Variants in GNG7 observed in about 807,000 individuals in gnomAD.
GNG7 encodes G protein subunit gamma 7, also known as guanine nucleotide-binding protein G(I)/G(S)/G(O) subunit gamma-7.
A neutral mutation model predicts 4.0 loss-of-function variants in GNG7; 1 was observed. The observed-to-expected ratio is 0.25, with a 90% CI of 0.09 to 1.18. The LOEUF (loss-of-function observed/expected upper bound fraction) is 1.18. GNG7 is among the 50% of genes most tolerant of loss of function. GNG7 has a pLI of 0.50. For synonymous variants in GNG7, 34 were observed against 36.9 expected, an observed-to-expected ratio of 0.92 and a Z score of 0.29; for missense variants, 86 against 91.9, an observed-to-expected ratio of 0.94 and a Z score of 0.26.
At chr19:2,515,918 CTT>C (rs1489075088) in intron 4 of GNG7, among the ~76,000 whole-genome samples, 1 of 151,654 alleles carries the variant, frequency 6.6e-6, no homozygotes, top group African/African-American at 2.4e-5. Context: ...TAGTGGTAAA[CTT>C]TATATGTGTC....
At chr19:2,603,476 C>A (rs569721473) in intron 2 of GNG7, among the ~76,000 whole-genome samples, 2 of 152,188 alleles carry the variant, frequency 1.3e-5, no homozygotes, top group Non-Finnish European at 2.9e-5. Flanking sequence ...GGTGAGACCG[C>A]GGTGGCTCTC....
intron 1 of GNG7, among the ~76,000 whole-genome samples, chr19:2,679,440 C>G (rs12610702): frequency 0.27 from 40,615 of 151,834 alleles, 5,839 homozygotes; most frequent in East Asian, 0.55. Context: ...CCATCCAGGT[C>G]ACAGCCTCGT....
At chr19:2,552,848 T>TCC (rs1555693069) in intron 3 of GNG7, among the ~76,000 whole-genome samples, 27 of 84,538 alleles carry the variant, frequency 3.2e-4, no homozygotes, top group African/African-American at 8.7e-4. Flanking sequence ...TCCTCCCGGC[T>TCC]CCACCCCCCC....
intron 2 of GNG7, among the ~76,000 whole-genome samples, chr19:2,568,168 C>CACATACAT (rs1413160147): frequency 1.2e-3 from 178 of 151,154 alleles, no homozygotes; most frequent in African/African-American, 4.2e-3. Flanking sequence ...CACATACATA[C>CACATACAT]ACACACATAC....
intron 2 of GNG7, among the ~76,000 whole-genome samples, chr19:2,602,524 C>T (rs1464922372): frequency 6.6e-6 from 1 of 152,204 alleles, no homozygotes; most frequent in African/African-American, 2.4e-5. Context: ...TCTGCCAGCT[C>T]CTCCCGAGCC....
chr19:2,681,855 G>A (rs1285448394), intron 1 of GNG7, among the ~76,000 whole-genome samples: 2 of 152,140 alleles, frequency 1.3e-5, no homozygotes, highest in African/African-American at 4.8e-5. Context: ...GCTTTGATTT[G>A]CATTTCCCTG....
In GNG7 at chr19:2,634,404, G is replaced by A. The variant is rs1022697334; in HGVS notation, c.-78+11820C>T. 8.5e-5 allele frequency among the ~76,000 whole-genome samples: 13 copies of A among 152,110 alleles called. No individual in the cohort carries two copies. The highest frequency in any genetic ancestry group is 1.6e-4 in the Non-Finnish European group (11 of 68,034). ...GTCCCCGGGGTTGGGGGTGGGGGGC[G>A]GCATCACCCAGATGACCCCTGCTAT... On this transcript the variant is annotated intron_variant, in intron 2 of 4. Coordinates refer to ENST00000382159, the MANE Select transcript of GNG7 (RefSeq NM_052847.3). The surrounding 1 kb of genome is among the most constrained non-coding windows in gnomAD (Gnocchi z 5.3).
intron 1 of GNG7, chr19:2,700,772 A>G (rs1044908732): frequency 2.0e-5 from 3 of 152,166 alleles, no homozygotes; most frequent in Admixed American, 6.5e-5. Context: ...ATCCGCAGCG[A>G]GAGGCTGGGT....
intron 2 of GNG7, among the ~76,000 whole-genome samples, chr19:2,597,662 C>T (rs1311989987): frequency 3.3e-5 from 5 of 150,688 alleles, no homozygotes; most frequent in Admixed American, 6.6e-5. Context: ...TTTGGGAGGC[C>T]GAGGTGGGTG....
At position 2,659,176 on chromosome 19, in the gene GNG7, A is replaced by G. The variant is rs571776296; in HGVS notation, c.-134-12896T>C. 7.2e-5 allele frequency among the ~76,000 whole-genome samples: 11 copies of G among 152,050 alleles called. No homozygotes were observed. The South Asian group carries it at 8.3e-4, about 11-fold the overall frequency. ...AGTAGAGACGAGGTTTCACCGGGTT[A>G]GCCAGGATGGTCTCAATCTCCTGAC... On this transcript the variant is annotated intron_variant, in intron 1 of 4. Transcript: ENST00000382159.
At chr19:2,696,298 G>GAAAGAAAGAA (rs1568287846) in intron 1 of GNG7, among the ~76,000 whole-genome samples, 3 of 90,990 alleles carry the variant, frequency 3.3e-5, no homozygotes, top group Non-Finnish European at 2.3e-5. Flanking sequence ...GAGAGAGAAA[G>GAAAGAAAGAA]AAAGAAAGAA....
In GNG7 at chr19:2,539,956, C is replaced by G. The variant is rs567748097; in HGVS notation, c.-38+15193G>C. On this transcript the variant is annotated intron_variant, in intron 3 of 4. Transcript: ENST00000382159. Reference sequence around the variant, plus strand: ...TCTCTCTCCCTCTCCTTCCTGCCTTCCTTCCTTCCTCCCTCCCTCCTTCTC... The same window carrying G: ...TCTCTCTCCCTCTCCTTCCTGCCTTGCTTCCTTCCTCCCTCCCTCCTTCTC... Among the ~76,000 whole-genome samples, 5 of 146,668 alleles carry G rather than the reference C, an allele frequency of 3.4e-5. No individual in the cohort carries two copies. The South Asian group carries it at 1.1e-3, about 33-fold the overall frequency.
chr19:2,523,912 G>A (rs942447376), intron 3 of GNG7, among the ~76,000 whole-genome samples: 1 of 152,142 alleles, frequency 6.6e-6, no homozygotes, highest in African/African-American at 2.4e-5. Flanking sequence ...GGCAGAGAAG[G>A]CCCAATCTGT....
Position 2,617,649 on chromosome 19 carries a change from C to T in GNG7, c.-78+28575G>A, listed in dbSNP as rs535647059. Among the ~76,000 whole-genome samples the T allele has an allele frequency of 6.6e-6, 1 of 152,126 alleles. No individual in the cohort carries two copies. Among genetic ancestry groups the T allele is most frequent in the Admixed American group, 6.5e-5 (1 of 15,274 alleles). On this transcript the variant is annotated intron_variant, in intron 2 of 4. Transcript: ENST00000382159. This position sits in a 1 kb window ranked among gnomAD's most constrained non-coding sequence, Gnocchi z 4.7. ...GGCAAGGATGTCCCCTCCTTAGAGA[C>T]CTTCCTGGACACCACGTGGCACAGA...
Position 2,557,697 on chromosome 19 carries a change from C to T in GNG7, c.-77-2509G>A, listed in dbSNP as rs1414046039. ...TGATCCATAAAATCAGGACAGTGAC[C>T]GAGGATGCTGGGGCCACCTCACCTG... On this transcript the variant is annotated intron_variant, in intron 2 of 4. Transcript: ENST00000382159. This position sits in a 1 kb window ranked among gnomAD's most constrained non-coding sequence, Gnocchi z 5.1. Among the ~76,000 whole-genome samples the T allele has an allele frequency of 6.6e-6, 1 of 152,094 alleles. No individual in the cohort carries two copies. Among genetic ancestry groups the T allele is most frequent in the Non-Finnish European group, 1.5e-5 (1 of 68,014 alleles).
chr19:2,655,494 C>T (rs754611040), intron 1 of GNG7, among the ~76,000 whole-genome samples: 16 of 151,562 alleles, frequency 1.1e-4, no homozygotes, highest in Admixed American at 6.6e-4. Context: ...AGGCAGATCA[C>T]GAGTTCGAGA....
Position 2,633,485 on chromosome 19 carries a change from GCGCACACACACA to G in GNG7, c.-78+12727_-78+12738del, listed in dbSNP as rs1435130479. 0.027 allele frequency among the ~76,000 whole-genome samples: 3,570 copies of G among 131,976 alleles called. 119 individuals carry two copies. The highest frequency in any genetic ancestry group is 0.14 in the South Asian group (553 of 3,934). 86.6% of individuals were successfully genotyped at this position (131,976 alleles called of 152,430 possible). A position where few individuals can be genotyped will look rare whatever the true frequency, so the allele number is the denominator to read the frequency against. ...CTTAGCAACAGGCGCGCGCGCGCGCGCGCACACACACACACACACACACACACACACACACAC... is the reference window on the plus strand; with the variant it reads ...CTTAGCAACAGGCGCGCGCGCGCGCGCACACACACACACACACACACACAC... On this transcript the variant is annotated intron_variant, in intron 2 of 4. Coordinates refer to ENST00000382159, the MANE Select transcript of GNG7 (RefSeq NM_052847.3). The surrounding 1 kb of genome is among the most constrained non-coding windows in gnomAD (Gnocchi z 5.9).
chr19:2,672,237 G>A (rs927348823), intron 1 of GNG7, among the ~76,000 whole-genome samples: 2 of 151,638 alleles, frequency 1.3e-5, no homozygotes, highest in African/African-American at 4.8e-5. Context: ...GTTTTGCCAT[G>A]TGGGCCAGGC....
intron 2 of GNG7, among the ~76,000 whole-genome samples, chr19:2,568,655 AT>A (rs1168209731): frequency 1.6e-4 from 19 of 121,536 alleles, no homozygotes; most frequent in East Asian, 2.8e-4. Flanking sequence ...ACAAATACAC[AT>A]ATACACATAC....
Sources: gnomAD v4.1 joint callset for allele counts (sites outside exome capture counted in the v4.1 genomes callset) on GRCh38, gnomAD v4.1.1 for gene constraint, Gnocchi (gnomAD v3.1) non-coding constraint, MANE v1.5 for transcripts, NCBI Gene and HGNC (gene_info 2026-07-23, HGNC 2026-07-21) for gene names.